Variants in TMEM108 observed in about 807,000 individuals in gnomAD.
TMEM108 encodes cancer/testis antigen 124.
A neutral mutation model predicts 35.1 loss-of-function variants in TMEM108; 12 were observed. The ratio of observed to expected loss-of-function variants is 0.34; its 90% CI spans 0.22 to 0.55. The LOEUF is 0.55. Among genes scored for constraint, TMEM108 ranks in the 20% least tolerant of loss-of-function variants. The pLI is 0.89. For synonymous variants in TMEM108, 287 were observed against 308.6 expected (o/e 0.93, Z 0.73); for missense variants, 680 against 753.3 (o/e 0.90, Z 1.14).
In TMEM108 at chr3:133,268,586, G is replaced by A. The variant is rs142316029; in HGVS notation, c.40+39235G>A. ...GAAATCTACAGAATAGATCCAGAGA[G>A]CTTTGGGCATTCACAGCATCAGTAA... On this transcript the variant is annotated intron_variant, in intron 3 of 5. Transcript: ENST00000321871. Among the ~76,000 whole-genome samples, 947 of 152,312 alleles carry A rather than the reference G, an allele frequency of 6.2e-3. 12 individuals carry two copies. Among genetic ancestry groups the A allele is most frequent in the African/African-American group, 0.021 (890 of 41,568 alleles).
At chr3:133,092,348 T>A (rs1943958762) in intron 2 of TMEM108, among the ~76,000 whole-genome samples, 1 of 152,244 alleles carries the variant, frequency 6.6e-6, no homozygotes, top group Non-Finnish European at 1.5e-5. Context: ...CTCCAGGGTC[T>A]AATATTTTCT....
chr3:133,174,545 C>T (rs1197842139), intron 2 of TMEM108, among the ~76,000 whole-genome samples: 2 of 152,224 alleles, frequency 1.3e-5, no homozygotes, highest in Non-Finnish European at 2.9e-5. Context: ...GCAGCCTCCG[C>T]TGCTGATACC....
At chr3:133,190,297 T>C (rs1054081265) in intron 2 of TMEM108, among the ~76,000 whole-genome samples, 2 of 152,226 alleles carry the variant, frequency 1.3e-5, no homozygotes, top group Non-Finnish European at 2.9e-5. Flanking sequence ...ATGGCAATCC[T>C]GATTTTATTT....
At chr3:133,331,676 T>C (rs1160470068) in intron 3 of TMEM108, among the ~76,000 whole-genome samples, 1 of 152,216 alleles carries the variant, frequency 6.6e-6, no homozygotes, top group Non-Finnish European at 1.5e-5. Context: ...CAAGGACCCG[T>C]ACTGATTATC....
intron 2 of TMEM108, among the ~76,000 whole-genome samples, chr3:133,049,667 C>A (rs1033315097): frequency 3.9e-5 from 6 of 152,276 alleles, no homozygotes; most frequent in South Asian, 2.1e-4. Context: ...AAATCCGCAG[C>A]CTCTGAAACA....
intron 2 of TMEM108, among the ~76,000 whole-genome samples, chr3:133,228,974 A>T (rs1324478199): frequency 6.6e-6 from 1 of 152,188 alleles, no homozygotes; most frequent in Non-Finnish European, 1.5e-5. Flanking sequence ...GATTACAGAG[A>T]TTCATGAGAG....
chr3:133,207,096 T>C (rs1945767316), intron 2 of TMEM108, among the ~76,000 whole-genome samples: 1 of 152,166 alleles, frequency 6.6e-6, no homozygotes, highest in Non-Finnish European at 1.5e-5. Context: ...TGGCTTTGTT[T>C]ACAATGTGAG....
chr3:133,117,693 A>T (rs1448677623), intron 2 of TMEM108, among the ~76,000 whole-genome samples: 1 of 152,204 alleles, frequency 6.6e-6, no homozygotes, highest in Non-Finnish European at 1.5e-5. Flanking sequence ...AATACAAAGT[A>T]AGAAGACAGG....
At chr3:133,323,128 C>G (rs1331121726) in intron 3 of TMEM108, among the ~76,000 whole-genome samples, 1 of 152,102 alleles carries the variant, frequency 6.6e-6, no homozygotes, top group African/African-American at 2.4e-5. Context: ...TTCTCCACTT[C>G]TATTCAACAT....
chr3:133,387,059 ATAG>A (rs1480969768), intron 4 of TMEM108: 2 of 985,572 alleles, frequency 2.0e-6, no homozygotes, highest in African/African-American at 3.5e-5. Flanking sequence ...GACCACTGAA[ATAG>A]TGAATGTTCT....
chr3:133,342,555 T>TATATATATATATATATACACACAC, intron 3 of TMEM108, among the ~76,000 whole-genome samples: 1 of 63,452 alleles, frequency 1.6e-5, no homozygotes, highest in African/African-American at 5.1e-5. Context: ...TATATATATA[T>TATATATATATATATATACACACAC]ACACACACAC....
intron 2 of TMEM108, among the ~76,000 whole-genome samples, chr3:133,157,396 A>G (rs561258371): frequency 2.0e-5 from 3 of 152,364 alleles, no homozygotes; most frequent in South Asian, 2.1e-4. Context: ...GTGGTTGAAT[A>G]TAATTAAAGA....
intron 2 of TMEM108, among the ~76,000 whole-genome samples, chr3:133,175,676 T>TA (rs1340702849): frequency 6.6e-6 from 1 of 152,174 alleles, no homozygotes; most frequent in Non-Finnish European, 1.5e-5. Flanking sequence ...AAGGAAGCAC[T>TA]AAACATGGAA....
At position 133,120,962 on chromosome 3, in the gene TMEM108, C is replaced by A. The variant is rs1447250174; in HGVS notation, c.-47+74942C>A. 7 of 152,328 alleles carry A rather than the reference C, an allele frequency of 4.6e-5. No individual in the cohort carries two copies. In the East Asian group the frequency reaches 1.3e-3, roughly 29 times the overall value. The allele number at this position is 152,328 out of a possible 1,614,324, so 9.4% of individuals were successfully genotyped here. A position where few individuals can be genotyped will look rare whatever the true frequency, so the allele number is the denominator to read the frequency against. Reference sequence around the variant, plus strand: ...ACTCTTGCTCTTGTTAACGGTAAGGCCTTTTTGGCATCCCATATTTGTGAA... The same window carrying A: ...ACTCTTGCTCTTGTTAACGGTAAGGACTTTTTGGCATCCCATATTTGTGAA... On this transcript the variant is annotated intron_variant, in intron 2 of 5. Transcript: ENST00000321871.
intron 3 of TMEM108, among the ~76,000 whole-genome samples, chr3:133,270,158 A>G (rs557823607): frequency 8.5e-5 from 13 of 152,284 alleles, no homozygotes; most frequent in East Asian, 5.8e-4. Flanking sequence ...CCCTCCCCCA[A>G]TCAAAGTCCT....
At chr3:133,105,120 C>T (rs73860835) in intron 2 of TMEM108, among the ~76,000 whole-genome samples, 5,319 of 152,300 alleles carry the variant, frequency 0.035, 309 homozygotes, top group African/African-American at 0.12. Context: ...TCTCACAGTT[C>T]TCTAGGTCAG....
chr3:133,083,112 T>C (rs1223467214), intron 2 of TMEM108, among the ~76,000 whole-genome samples: 2 of 152,172 alleles, frequency 1.3e-5, no homozygotes, highest in African/African-American at 4.8e-5. Context: ...AGTCTGTTCC[T>C]GAGCCTGTGC....
At chr3:133,330,840 G>A (rs1361448262) in intron 3 of TMEM108, among the ~76,000 whole-genome samples, 1 of 152,070 alleles carries the variant, frequency 6.6e-6, no homozygotes, top group Non-Finnish European at 1.5e-5. Flanking sequence ...GGAAGAAAGG[G>A]ATTCCTTAAA....
chr3:133,199,229 C>T (rs560372676), intron 2 of TMEM108, among the ~76,000 whole-genome samples: 30 of 152,242 alleles, frequency 2.0e-4, no homozygotes, highest in Middle Eastern at 3.4e-3. Context: ...GCAATGGGTT[C>T]GAACTTCCTC....
Sources: allele counts gnomAD v4.1 joint callset (sites outside exome capture counted in the v4.1 genomes callset), GRCh38; gene constraint gnomAD v4.1.1; transcripts MANE v1.5; gene names NCBI Gene and HGNC (gene_info 2026-07-23, HGNC 2026-07-21).